GALNT14: variants seen among roughly 807,000 people sequenced by gnomAD.
The protein encoded by GALNT14 is UDP-GalNAc:polypeptide N-acetylgalactosaminyltransferase 14.
GALNT14 carries 60 observed loss-of-function variants against 77.5 expected under a neutral mutation model. The observed-to-expected ratio is 0.77, with a 90% CI of 0.63 to 0.96. The LOEUF is 0.96. GALNT14 is among the 40% of genes least tolerant of loss of function. The pLI, the probability that GALNT14 is intolerant of heterozygous loss-of-function variation, is 0.00. For synonymous variants in GALNT14, 280 were observed against 281.7 expected, an observed-to-expected ratio of 0.99 and a Z score of 0.06; for missense variants, 710 against 731.0, an observed-to-expected ratio of 0.97 and a Z score of 0.33.
chr2:31,078,643 A>G (rs1675960499), intron 1 of GALNT14, among the ~76,000 whole-genome samples: 1 of 152,190 alleles, frequency 6.6e-6, no homozygotes, highest in Non-Finnish European at 1.5e-5. Context: ...AGCTGTCTTG[A>G]GGCTAGCCCT....
At chr2:30,963,372 G>A (rs1214258552) in intron 3 of GALNT14, among the ~76,000 whole-genome samples, 1 of 152,218 alleles carries the variant, frequency 6.6e-6, no homozygotes, top group Admixed American at 6.5e-5. Context: ...GGCTCCAACT[G>A]GAGTGAGAGA....
At chr2:31,009,644 T>G (rs1670896043) in intron 1 of GALNT14, among the ~76,000 whole-genome samples, 1 of 152,216 alleles carries the variant, frequency 6.6e-6, no homozygotes, top group African/African-American at 2.4e-5. Flanking sequence ...CATCTCACCT[T>G]GCATGGATTT....
the GALNT14 span, among the ~76,000 whole-genome samples, chr2:30,892,290 G>T: frequency 6.6e-6 from 1 of 152,062 alleles, no homozygotes; most frequent in Admixed American, 6.6e-5. Flanking sequence ...AACAATCAAA[G>T]AAATAGTATA....
chr2:31,062,781 G>A (rs1241195260), intron 1 of GALNT14, among the ~76,000 whole-genome samples: 1 of 151,710 alleles, frequency 6.6e-6, no homozygotes, highest in Non-Finnish European at 1.5e-5. Context: ...GTATCTCATG[G>A]TGGTTTTGAT....
At chr2:30,924,082 T>C in intron 13 of GALNT14, 37 bp downstream of exon 13, 1 of 1,613,590 alleles carries the variant, frequency 6.2e-7, no homozygotes, top group Non-Finnish European at 8.5e-7. Flanking sequence ...CCCTCTACTG[T>C]GACACATGGT....
chr2:31,098,945 C>T (rs2148610336), intron 1 of GALNT14, among the ~76,000 whole-genome samples: 1 of 152,076 alleles, frequency 6.6e-6, no homozygotes, highest in Non-Finnish European at 1.5e-5. Context: ...ATACAGTAGG[C>T]TGAGGAGGAG....
intron 1 of GALNT14, among the ~76,000 whole-genome samples, chr2:31,040,966 T>A (rs558505807): frequency 6.6e-6 from 1 of 152,118 alleles, no homozygotes; most frequent in African/African-American, 2.4e-5. Context: ...TCCTGTAAAC[T>A]TGAACACACA....
intron 1 of GALNT14, among the ~76,000 whole-genome samples, chr2:31,067,037 A>C (rs1675016704): frequency 6.6e-6 from 1 of 152,136 alleles, no homozygotes; most frequent in Non-Finnish European, 1.5e-5. Context: ...TTCCTCAGCC[A>C]AAAGTCTCCT....
chr2:30,934,458 G>A (rs562884987), intron 9 of GALNT14, among the ~76,000 whole-genome samples: 30 of 152,248 alleles, frequency 2.0e-4, no homozygotes, highest in Admixed American at 9.8e-4. Context: ...AGATATGTAC[G>A]GGTTTCATCT....
chr2:31,130,946 C>T (rs1483821859), intron 1 of GALNT14, among the ~76,000 whole-genome samples: 1 of 152,084 alleles, frequency 6.6e-6, no homozygotes, highest in African/African-American at 2.4e-5. Flanking sequence ...AAGTAATAGA[C>T]ACAGAGTATC....
chr2:31,088,103 G>T (rs73921456), intron 1 of GALNT14, among the ~76,000 whole-genome samples: 269 of 152,278 alleles, frequency 1.8e-3, no homozygotes, highest in African/African-American at 6.3e-3. Flanking sequence ...CCCAGTCTAT[G>T]GTATTCTGTT....
chr2:31,132,688 G>T (rs1278007401), intron 1 of GALNT14: 2 of 470,912 alleles, frequency 4.2e-6, no homozygotes, highest in Non-Finnish European at 8.8e-6. Context: ...CCTGGGTGTA[G>T]GCTGCACTAA....
chr2:30,915,400 T>C (rs1664616060), intron 13 of GALNT14, among the ~76,000 whole-genome samples: 2 of 152,206 alleles, frequency 1.3e-5, no homozygotes, highest in African/African-American at 4.8e-5. Flanking sequence ...GACTTTCCAT[T>C]AGCTGGTATT....
intron 1 of GALNT14, among the ~76,000 whole-genome samples, chr2:31,112,465 C>T (rs1677890635): frequency 6.6e-6 from 1 of 152,150 alleles, no homozygotes; most frequent in Non-Finnish European, 1.5e-5. Context: ...TGGGACAGCA[C>T]CAGGCACACT....
At chr2:31,013,536 T>C (rs1200472795) in intron 1 of GALNT14, among the ~76,000 whole-genome samples, 1 of 152,046 alleles carries the variant, frequency 6.6e-6, no homozygotes, top group Non-Finnish European at 1.5e-5. Flanking sequence ...CGGGGCTGAG[T>C]CCAAATGTGA....
chr2:30,951,870 C>T (rs1248606874), intron 6 of GALNT14, among the ~76,000 whole-genome samples: 1 of 152,144 alleles, frequency 6.6e-6, no homozygotes, highest in East Asian at 1.9e-4. Context: ...GCCCCAGGAA[C>T]TTCAGTTCCA....
At chr2:31,099,182 T>C (rs1479869974) in intron 1 of GALNT14, among the ~76,000 whole-genome samples, 1 of 152,122 alleles carries the variant, frequency 6.6e-6, no homozygotes, top group African/African-American at 2.4e-5. Context: ...TATTCCTATA[T>C]AGCTTTGAGT....
intron 1 of GALNT14, among the ~76,000 whole-genome samples, chr2:31,102,509 CAG>C (rs1487281447): frequency 6.6e-6 from 1 of 152,036 alleles, no homozygotes; most frequent in Admixed American, 6.6e-5. Context: ...GCACTGTAAT[CAG>C]AGAATATTGT....
chr2:30,936,280 G>A (rs1188414153), intron 9 of GALNT14, among the ~76,000 whole-genome samples: 3 of 151,948 alleles, frequency 2.0e-5, no homozygotes, highest in Non-Finnish European at 4.4e-5. Context: ...TACCTGGCAA[G>A]CCCATGGATG....
Sources: gnomAD v4.1 joint callset for allele counts (sites outside exome capture counted in the v4.1 genomes callset) on GRCh38, gnomAD v4.1.1 for gene constraint, MANE v1.5 for transcripts, NCBI Gene and HGNC (gene_info 2026-07-23, HGNC 2026-07-21) for gene names.